The following JAK2 variants were observed in gnomAD, a reference collection of about 807,000 sequenced individuals.
JAK2 encodes tyrosine-protein kinase JAK2.
A neutral mutation model predicts 139.3 loss-of-function variants in JAK2; 86 were observed. That is an observed-to-expected ratio of 0.62 (90% CI 0.52 to 0.74). JAK2 has a LOEUF of 0.74. Among genes scored for constraint, JAK2 ranks in the 30% least tolerant of loss-of-function variants. The pLI, the probability that JAK2 is intolerant of heterozygous loss-of-function variation, is 0.00. For missense variants in JAK2, 1,421 were observed against 1,360.3 expected (o/e 1.04, Z -0.70); for synonymous variants, 490 against 437.7 (o/e 1.12, Z -1.49).
chr9:5,111,648 C>A (rs540144811), intron 22 of JAK2: 11 of 388,124 alleles, frequency 2.8e-5, no homozygotes, highest in South Asian at 2.1e-4. Context: ...TCATGCCCCT[C>A]GTCCCTCCCG....
At chr9:4,993,879 A>G (rs1464552193) in intron 2 of JAK2, among the ~76,000 whole-genome samples, 1 of 152,184 alleles carries the variant, frequency 6.6e-6, no homozygotes. Flanking sequence ...CGGGTGCTCC[A>G]ATTTCCTCCC....
intron 11 of JAK2, 43 bp downstream of exon 11, chr9:5,069,251 T>G: frequency 7.3e-7 from 1 of 1,377,868 alleles, no homozygotes; most frequent in South Asian, 1.3e-5. Flanking sequence ...TGGTCATGGA[T>G]TGTTTATGTG....
intron 5 of JAK2, among the ~76,000 whole-genome samples, chr9:5,045,714 C>G (rs1006524097): frequency 6.6e-6 from 1 of 152,142 alleles, no homozygotes; most frequent in African/African-American, 2.4e-5. Flanking sequence ...TAATGTCTGT[C>G]AGGTTCATCC....
intron 4 of JAK2, chr9:5,041,487 G>A: frequency 1.7e-6 from 1 of 592,948 alleles, no homozygotes; most frequent in South Asian, 1.5e-5. Flanking sequence ...ATCATGAGCG[G>A]TACAGAAGAT....
intron 4 of JAK2, among the ~76,000 whole-genome samples, chr9:5,038,156 T>C (rs1380256753): frequency 6.6e-6 from 1 of 152,214 alleles, no homozygotes; most frequent in African/African-American, 2.4e-5. Context: ...AATTGTTTAA[T>C]GGATACAGTG....
chr9:5,050,330 C>T (rs1817324592), intron 5 of JAK2, among the ~76,000 whole-genome samples: 1 of 152,158 alleles, frequency 6.6e-6, no homozygotes, highest in Admixed American at 6.5e-5. Flanking sequence ...GGGTCTTGGT[C>T]TGTTACCCAG....
chr9:5,079,772 T>A (rs148471094), intron 16 of JAK2, among the ~76,000 whole-genome samples: 29 of 152,176 alleles, frequency 1.9e-4, no homozygotes, highest in Non-Finnish European at 3.7e-4. Flanking sequence ...TGAGCTGCAA[T>A]CGTGCCATTG....
At chr9:5,107,483 T>C (rs943461005) in intron 22 of JAK2, among the ~76,000 whole-genome samples, 1 of 152,056 alleles carries the variant, frequency 6.6e-6, no homozygotes, top group Non-Finnish European at 1.5e-5. Context: ...CTAACAACAA[T>C]AATCACCACA....
intron 4 of JAK2, among the ~76,000 whole-genome samples, 160 bp from the exon 5 acceptor site, chr9:5,044,243 T>A (rs1395191037): frequency 6.6e-6 from 1 of 152,266 alleles, no homozygotes; most frequent in Non-Finnish European, 1.5e-5. Flanking sequence ...ATTAGTGTTA[T>A]CCACATATCC....
At chr9:5,061,104 G>C (rs1818140490) in intron 8 of JAK2, among the ~76,000 whole-genome samples, 1 of 152,204 alleles carries the variant, frequency 6.6e-6, no homozygotes, top group Non-Finnish European at 1.5e-5. Flanking sequence ...ATAAACAATA[G>C]ATGTGCTGTC....
At chr9:4,992,903 T>G (rs1301411265) in intron 2 of JAK2, among the ~76,000 whole-genome samples, 1 of 152,214 alleles carries the variant, frequency 6.6e-6, no homozygotes, top group African/African-American at 2.4e-5. Context: ...AAGTCATTCT[T>G]AATAGGACAT....
chr9:5,096,190 A>G (rs141599743), intron 22 of JAK2, among the ~76,000 whole-genome samples: 113 of 152,216 alleles, frequency 7.4e-4, no homozygotes, highest in African/African-American at 2.1e-3. Context: ...CACAAAACCC[A>G]TATTACTCCT....
At chr9:5,018,329 G>GTTTGT (rs1822202163) in intron 2 of JAK2, among the ~76,000 whole-genome samples, 1 of 151,936 alleles carries the variant, frequency 6.6e-6, no homozygotes, top group Admixed American at 6.6e-5. Context: ...CTTTTTGTTT[G>GTTTGT]TTTGTTTGTT....
chr9:5,021,392 G>C (rs956796753), intron 2 of JAK2, among the ~76,000 whole-genome samples: 17 of 152,112 alleles, frequency 1.1e-4, no homozygotes, highest in African/African-American at 4.1e-4. Flanking sequence ...TTTAATGCTT[G>C]TTTGTTCATG....
intron 2 of JAK2, among the ~76,000 whole-genome samples, chr9:4,990,143 G>C (rs1820159486): frequency 6.6e-6 from 1 of 152,196 alleles, no homozygotes; most frequent in Non-Finnish European, 1.5e-5. Context: ...AGGGAGAATG[G>C]AGGGGAGAAG....
intron 2 of JAK2, among the ~76,000 whole-genome samples, chr9:5,002,935 G>A (rs186860055): frequency 6.6e-6 from 1 of 151,978 alleles, no homozygotes; most frequent in East Asian, 1.9e-4. Context: ...AGAAGTTAAG[G>A]TTATTTTTTG....
At chr9:5,115,226 C>T (rs1441413633) in intron 22 of JAK2, among the ~76,000 whole-genome samples, 2 of 152,060 alleles carry the variant, frequency 1.3e-5, no homozygotes, top group African/African-American at 2.4e-5. Flanking sequence ...AAGAAAAAAA[C>T]AACCCCATCA....
In JAK2 at chr9:5,055,786, C is replaced by T. The variant is rs763096519; in HGVS notation, c.1054C>T (p.Leu352=). 1.9e-6 allele frequency: 3 copies of T among 1,609,386 alleles called. No individual in the cohort carries two copies. The highest frequency in any genetic ancestry group is 2.2e-5 in the South Asian group (2 of 90,670). ...TATCCATAAGCAAGATGGTAAAAAT[C>T]TGGTAAGTTTGCTTTATGATTGAAT... ...VTIHKQDGKN[L]EIELSSLREA... is the part of the protein sequence containing the mutation. Residue 352 remains leucine, a splice_region_variant and synonymous_variant, in exon 8 of 25, where the codon CTG becomes TTG. Coordinates refer to ENST00000381652, the MANE Select transcript of JAK2 (RefSeq NM_004972.4).
In JAK2 at chr9:5,090,545, T is replaced by G. The variant is rs774620945; in HGVS notation, c.2861T>G (p.Leu954Arg). The change falls in exon 21 of 25, where the codon CTG (leucine) becomes CGG (arginine). Residue 954 changes from leucine (L) to arginine (R), a missense_variant. Coordinates refer to ENST00000381652, the MANE Select transcript of JAK2 (RefSeq NM_004972.4). ...HKERIDHIKL[L>R]QYTSQICKGM... ...GAACGGATAGATCACATAAAACTTCTGCAGTACACATCTCAGATATGCAAG... is the reference window on the plus strand; with the variant it reads ...GAACGGATAGATCACATAAAACTTCGGCAGTACACATCTCAGATATGCAAG... 6.3e-7 allele frequency: 1 copy of G among 1,593,836 alleles called. No individual in the cohort carries two copies. Among genetic ancestry groups the G allele is most frequent in the East Asian group, 2.3e-5 (1 of 44,322 alleles).
Sources: allele counts gnomAD v4.1 joint callset (sites outside exome capture counted in the v4.1 genomes callset), GRCh38; gene constraint gnomAD v4.1.1; transcripts MANE v1.5; gene names NCBI Gene and HGNC (gene_info 2026-07-23, HGNC 2026-07-21).